The following KANK4 variants were observed in gnomAD, a reference collection of about 807,000 sequenced individuals.
KANK4 encodes KN motif and ankyrin repeat domains 4, also known as KN motif and ankyrin repeat domain-containing protein 4.
KANK4 carries 50 observed loss-of-function variants against 80.8 expected under a neutral mutation model. That is an observed-to-expected ratio of 0.62 (90% CI 0.49 to 0.78). KANK4 has a LOEUF of 0.78. Among genes scored for constraint, KANK4 ranks in the 30% least tolerant of loss-of-function variants. The pLI, the probability that KANK4 is intolerant of heterozygous loss-of-function variation, is 0.00. For synonymous variants in KANK4, 465 were observed against 506.9 expected (o/e 0.92, Z 1.11); for missense variants, 1,196 against 1,240.1 (o/e 0.96, Z 0.53).
intron 8 of KANK4, among the ~76,000 whole-genome samples, chr1:62,247,975 C>T (rs533579155): frequency 8.0e-4 from 121 of 152,200 alleles, no homozygotes; most frequent in African/African-American, 2.8e-3. Flanking sequence ...ACATTGTTGA[C>T]GGCAGGGACT....
chr1:62,315,555 C>T (rs1644531985), intron 1 of KANK4, among the ~76,000 whole-genome samples: 1 of 152,106 alleles, frequency 6.6e-6, no homozygotes, highest in Admixed American at 6.5e-5. Context: ...GTATCCACGC[C>T]ATCATCCAGA....
chr1:62,241,622 C>A (rs906399245), intron 9 of KANK4, among the ~76,000 whole-genome samples: 3 of 152,186 alleles, frequency 2.0e-5, no homozygotes, highest in African/African-American at 7.2e-5. Context: ...GAATGCTGCA[C>A]AAGAACCTAA....
chr1:62,279,198 G>GCACA (rs10560623), intron 2 of KANK4, among the ~76,000 whole-genome samples: 2,110 of 146,134 alleles, frequency 0.014, 26 homozygotes, highest in East Asian at 0.053. Flanking sequence ...GCTAGCGCGC[G>GCACA]CACACACACA....
intron 8 of KANK4, among the ~76,000 whole-genome samples, chr1:62,249,963 G>A (rs2481686): frequency 0.32 from 47,959 of 151,758 alleles, 8,077 homozygotes; most frequent in East Asian, 0.66. Flanking sequence ...ATGAGCCACC[G>A]TGCCTGACTG....
At chr1:62,314,239 C>T (rs900684704) in intron 1 of KANK4, among the ~76,000 whole-genome samples, 2 of 152,124 alleles carry the variant, frequency 1.3e-5, no homozygotes, top group African/African-American at 4.8e-5. Context: ...GTCTCGAACT[C>T]CTGACCTCAG....
intron 1 of KANK4, among the ~76,000 whole-genome samples, chr1:62,292,601 T>G (rs1038946077): frequency 6.6e-6 from 1 of 152,174 alleles, no homozygotes; most frequent in Non-Finnish European, 1.5e-5. Flanking sequence ...CCACATGGGA[T>G]TAGGAGTCCA....
chr1:62,279,198 G>GCACACACACACACACA (rs10560623), intron 2 of KANK4, among the ~76,000 whole-genome samples: 29 of 146,282 alleles, frequency 2.0e-4, no homozygotes, highest in South Asian at 4.5e-4. Context: ...GCTAGCGCGC[G>GCACACACACACACACA]CACACACACA....
chr1:62,308,575 A>G (rs1377794129), intron 1 of KANK4, among the ~76,000 whole-genome samples: 2 of 152,156 alleles, frequency 1.3e-5, no homozygotes, highest in African/African-American at 4.8e-5. Flanking sequence ...GAATCTAGCC[A>G]GGCTGACATT....
rs1313945283 is a variant in KANK4 at position 62,268,149 on chromosome 1, G to A, written c.2231+138C>T. On this transcript the variant is annotated intron_variant, in intron 5 of 9. Transcript: ENST00000371153. ...ACTTTATTCAACCAGTGCACAGTGT[G>A]GGCATGAAACAGAGACTTAAACAAC... 5.5e-6 allele frequency: 4 copies of A among 725,418 alleles called. No homozygotes were observed. In the African/African-American group the frequency reaches 7.1e-5, roughly 13 times the overall value. 44.9% of individuals were successfully genotyped at this position (725,418 alleles called of 1,614,324 possible). A position where few individuals can be genotyped will look rare whatever the true frequency, so the allele number is the denominator to read the frequency against.
chr1:62,264,403 C>T (rs1314550507), intron 6 of KANK4, among the ~76,000 whole-genome samples: 1 of 152,162 alleles, frequency 6.6e-6, no homozygotes, highest in East Asian at 1.9e-4. Context: ...AAGAGCGAAA[C>T]TCCGTCTCAA....
chr1:62,304,363 A>G (rs1433902907), intron 1 of KANK4, among the ~76,000 whole-genome samples: 1 of 152,014 alleles, frequency 6.6e-6, no homozygotes, highest in Non-Finnish European at 1.5e-5. Context: ...GCTCACTGGG[A>G]TACCAGAAGC....
chr1:62,302,993 A>G (rs1403492315), intron 1 of KANK4, among the ~76,000 whole-genome samples: 1 of 152,046 alleles, frequency 6.6e-6, no homozygotes, highest in Non-Finnish European at 1.5e-5. Context: ...GGGAGTGGAG[A>G]GCAAAGATGG....
intron 7 of KANK4, among the ~76,000 whole-genome samples, chr1:62,253,919 T>G (rs1321703023): frequency 6.6e-6 from 1 of 152,178 alleles, no homozygotes; most frequent in Non-Finnish European, 1.5e-5. Context: ...TCAGGAACAC[T>G]CAGGTCTGTC....
intron 5 of KANK4, among the ~76,000 whole-genome samples, chr1:62,267,204 G>GA (rs1220839061): frequency 4.0e-5 from 6 of 151,114 alleles, no homozygotes; most frequent in Admixed American, 6.6e-5. Context: ...TGGGTGACTG[G>GA]AAAAAAAAAT....
chr1:62,281,118 G>A (rs577241563), intron 2 of KANK4, among the ~76,000 whole-genome samples: 1 of 152,246 alleles, frequency 6.6e-6, no homozygotes, highest in South Asian at 2.1e-4. Flanking sequence ...TCCCAGCCAA[G>A]TCACCCAGAA....
intron 2 of KANK4, 47 bp downstream of exon 2, chr1:62,281,502 G>C (rs1238735109): frequency 6.2e-7 from 1 of 1,612,780 alleles, no homozygotes; most frequent in Non-Finnish European, 8.5e-7. Flanking sequence ...TTCTTTCCCA[G>C]CCCAAGTGCT....
chr1:62,248,339 C>T (rs1199434554), intron 8 of KANK4, among the ~76,000 whole-genome samples: 5 of 152,100 alleles, frequency 3.3e-5, no homozygotes, highest in Non-Finnish European at 4.4e-5. Context: ...ATGATTCAGG[C>T]CACATCACTG....
intron 1 of KANK4, among the ~76,000 whole-genome samples, chr1:62,284,637 C>T (rs1672522207): frequency 6.6e-6 from 1 of 152,154 alleles, no homozygotes; most frequent in Non-Finnish European, 1.5e-5. Context: ...ATTTCTTACC[C>T]ATTCTGTTAA....
chr1:62,295,188 G>A (rs150159164), intron 1 of KANK4, among the ~76,000 whole-genome samples: 6,674 of 152,110 alleles, frequency 0.044, 465 homozygotes, highest in African/African-American at 0.15. Flanking sequence ...GCCCAGGCGG[G>A]AGTGCAGTGG....
Sources: gnomAD v4.1 joint callset for allele counts (sites outside exome capture counted in the v4.1 genomes callset) on GRCh38, gnomAD v4.1.1 for gene constraint, MANE v1.5 for transcripts, NCBI Gene and HGNC (gene_info 2026-07-23, HGNC 2026-07-21) for gene names.